The following VSTM1 variants were observed in gnomAD, a reference collection of about 807,000 sequenced individuals.
VSTM1 encodes V-set and transmembrane domain-containing protein 1.
Under a neutral mutation model 33.1 loss-of-function variants are expected in VSTM1, and 27 were observed. That is an observed-to-expected ratio of 0.82 (90% CI 0.60 to 1.12). VSTM1 has a LOEUF of 1.12. VSTM1 is among the 50% of genes most tolerant of loss of function. VSTM1 has a pLI of 0.00. For missense variants in VSTM1, 304 were observed against 288.9 expected, an observed-to-expected ratio of 1.05 and a Z score of -0.38; for synonymous variants, 115 against 110.3, an observed-to-expected ratio of 1.04 and a Z score of -0.27.
Position 54,063,877 on chromosome 19 carries a change from C to A in VSTM1, c.-100G>T. On this transcript the variant is annotated 5_prime_UTR_variant, in exon 1 of 9. Transcript: ENST00000338372. ...GCAGCTCTCCGGCTGCCCGGTTCGTCCCCAGGATGTGCAGATAGAGGAGGT... is the reference window on the plus strand; with the variant it reads ...GCAGCTCTCCGGCTGCCCGGTTCGTACCCAGGATGTGCAGATAGAGGAGGT... The A allele has an allele frequency of 7.4e-7, 1 of 1,342,812 alleles. No individual in the cohort carries two copies. The highest frequency in any genetic ancestry group is 1.3e-5 in the South Asian group (1 of 75,804). The allele number at this position is 1,342,812 out of a possible 1,614,324, so 83.2% of individuals were successfully genotyped here. A position where few individuals can be genotyped will look rare whatever the true frequency, so the allele number is the denominator to read the frequency against.
rs373627884 is a variant in VSTM1, at chr19:54,042,192, T to C, written c.492A>G (p.Ser164=). The part of the protein sequence containing the change: ...FIIYRCSQHS[S]SSEESTKRTS... Reference sequence around the variant, plus strand: ...ACCTCTTGGTGGATTCCTCAGATGATGAACCTACAAAAAATGCAGGAGGAA... The same window carrying C: ...ACCTCTTGGTGGATTCCTCAGATGACGAACCTACAAAAAATGCAGGAGGAA... The change falls in exon 6 of 9, where the codon TCA becomes TCG. Residue 164 remains serine, a synonymous_variant. Coordinates refer to ENST00000338372, the MANE Select transcript of VSTM1 (RefSeq NM_198481.4). 5.6e-6 allele frequency: 9 copies of C among 1,613,636 alleles called. No homozygotes were observed. The highest frequency in any genetic ancestry group is 1.3e-5 in the African/African-American group (1 of 74,792).
chr19:54,060,643 C>A (rs2071347668), intron 1 of VSTM1, among the ~76,000 whole-genome samples: 1 of 152,188 alleles, frequency 6.6e-6, no homozygotes, highest in Non-Finnish European at 1.5e-5. Context: ...AGATTCATGT[C>A]ATCTCATCTC....
chr19:54,063,235 G>A (rs1436204498), intron 1 of VSTM1, among the ~76,000 whole-genome samples: 4 of 152,124 alleles, frequency 2.6e-5, no homozygotes, highest in Admixed American at 2.0e-4. Flanking sequence ...CTACTCGGGA[G>A]GCTGAGGCAG....
At chr19:54,057,849 A>G (rs1293985503) in intron 3 of VSTM1, among the ~76,000 whole-genome samples, 2 of 150,992 alleles carry the variant, frequency 1.3e-5, no homozygotes, top group Non-Finnish European at 2.9e-5. Context: ...TCACGTTTAT[A>G]ATCCCAGCCC....
intron 1 of VSTM1, among the ~76,000 whole-genome samples, chr19:54,058,952 G>A (rs2071250036): frequency 6.8e-6 from 1 of 147,152 alleles, no homozygotes; most frequent in East Asian, 2.0e-4. Context: ...TTACATATAT[G>A]TATATATTTT....
At position 54,042,429 on chromosome 19, in the gene VSTM1, C is replaced by T. The variant is rs1408824994; in HGVS notation, c.395-60G>A. The T allele has an allele frequency of 7.7e-5, 120 of 1,560,494 alleles. 1 individual carries two copies. The highest frequency in any genetic ancestry group is 9.9e-5 in the Non-Finnish European group (115 of 1,155,860). On this transcript the variant is annotated intron_variant, in intron 4 of 8. Coordinates refer to ENST00000338372, the MANE Select transcript of VSTM1 (RefSeq NM_198481.4). ...GGCTCCTGAAATCCACTGATAGGGG[C>T]GAGCCGAAAAGCTAAGAGAAGCCAG...
At chr19:54,063,604 A>T in intron 1 of VSTM1, 140 bp downstream of exon 1, 1 of 1,040,500 alleles carries the variant, frequency 9.6e-7, no homozygotes, top group Non-Finnish European at 1.4e-6. Flanking sequence ...CACAGAACCC[A>T]CAGCCCAGAC....
At chr19:54,042,097 C>T (rs2070311064) in intron 6 of VSTM1, 72 bp downstream of exon 6, 2 of 1,609,500 alleles carry the variant, frequency 1.2e-6, no homozygotes, top group Admixed American at 1.7e-5. Context: ...GGTGCCAATC[C>T]CGGATGTGCC....
chr19:54,047,277 T>A (rs2070641036), intron 4 of VSTM1, among the ~76,000 whole-genome samples: 1 of 151,458 alleles, frequency 6.6e-6, no homozygotes, highest in African/African-American at 2.4e-5. Context: ...TGGAGCTGAA[T>A]CAGAGAACCC....
In VSTM1 at chr19:54,050,805, C is replaced by A. The variant is rs189966329; in HGVS notation, c.394+605G>T. ...TACCAGCCTGGCCAACATGGTGAAA[C>A]CCCATCTCTACTAAAAACAAAAAAC... On this transcript the variant is annotated intron_variant, in intron 4 of 8. Transcript: ENST00000338372. Among the ~76,000 whole-genome samples the A allele has an allele frequency of 7.1e-3, 1,078 of 151,512 alleles. 8 individuals are homozygous for A. Among genetic ancestry groups the A allele is most frequent in the Admixed American group, 9.6e-3 (145 of 15,144 alleles).
Position 54,051,411 on chromosome 19 carries a change from TG to T in VSTM1, c.392del (p.Thr131LysfsTer74). 6.3e-7 allele frequency: 1 copy of T among 1,599,278 alleles called. No homozygotes were observed. Among genetic ancestry groups the T allele is most frequent in the Non-Finnish European group, 8.5e-7 (1 of 1,175,490 alleles). On this transcript the variant is annotated frameshift_variant and splice_region_variant, in exon 4 of 9. Coordinates refer to ENST00000338372, the MANE Select transcript of VSTM1 (RefSeq NM_198481.4). LOFTEE classifies it high-confidence loss of function. ...HDELEAPSMK[T>X]DTRTIFVAIF... Reference sequence around the variant, plus strand: ...ACATCTCCTTTCTAATTATCTTACCTGTTTTCATTGAGGGAGCTTCAAGTTC... The same window carrying T: ...ACATCTCCTTTCTAATTATCTTACCTTTTTCATTGAGGGAGCTTCAAGTTC...
rs139349648 is a variant in VSTM1 at position 54,044,967 on chromosome 19, G to T, written c.395-2598C>A. Among the ~76,000 whole-genome samples the T allele has an allele frequency of 8.9e-3, 1,358 of 152,176 alleles. 10 individuals carry two copies. Among genetic ancestry groups the T allele is most frequent in the Middle Eastern group, 0.048 (14 of 294 alleles). On this transcript the variant is annotated intron_variant, in intron 4 of 8. Coordinates refer to ENST00000338372, the MANE Select transcript of VSTM1 (RefSeq NM_198481.4). ...AAAGTTGAGCAACTATAGAAGTGAG[G>T]CCCCAGAAAGGGGCTTCACCAAGAC...
At chr19:54,056,996 C>T (rs1459350983) in intron 3 of VSTM1, among the ~76,000 whole-genome samples, 1 of 140,350 alleles carries the variant, frequency 7.1e-6, no homozygotes, top group Non-Finnish European at 1.6e-5. Flanking sequence ...GCTGGGATTA[C>T]AGGCGCCTGC....
rs1195810880 is a variant in VSTM1 at position 54,060,294 on chromosome 19, A to G, written c.35-1562T>C. 3.3e-5 allele frequency among the ~76,000 whole-genome samples: 5 copies of G among 151,936 alleles called. No homozygotes were observed. In the East Asian group the frequency reaches 9.6e-4, roughly 29 times the overall value. ...CCCTCTTCTGTGTTCTGTTCTCTACATTCCCCGCTGGGAAGGTAGCGTCTT... is the reference window on the plus strand; with the variant it reads ...CCCTCTTCTGTGTTCTGTTCTCTACGTTCCCCGCTGGGAAGGTAGCGTCTT... On this transcript the variant is annotated intron_variant, in intron 1 of 8. Coordinates refer to ENST00000338372, the MANE Select transcript of VSTM1 (RefSeq NM_198481.4).
intron 4 of VSTM1, among the ~76,000 whole-genome samples, chr19:54,045,154 A>G (rs368082207): frequency 2.0e-5 from 3 of 152,130 alleles, no homozygotes; most frequent in Non-Finnish European, 1.5e-5. Context: ...TTGGTTCGCT[A>G]TGTTTGCATT....
intron 2 of VSTM1, 23 bp from the exon 3 acceptor site, chr19:54,058,613 T>C (rs369029625): frequency 1.4e-5 from 22 of 1,612,942 alleles, no homozygotes; most frequent in Non-Finnish European, 1.7e-5. Context: ...CAGAGTTAAT[T>C]TGAGTCTAGA....
chr19:54,056,622 T>TC (rs2146120745), intron 3 of VSTM1, among the ~76,000 whole-genome samples: 1 of 139,130 alleles, frequency 7.2e-6, no homozygotes, highest in African/African-American at 2.7e-5. Context: ...CCCCACATAC[T>TC]CCCCCCAGTA....
At chr19:54,058,794 G>A (rs1265564095) in intron 1 of VSTM1, 62 bp from the exon 2 acceptor site, 2 of 1,446,202 alleles carry the variant, frequency 1.4e-6, no homozygotes, top group Non-Finnish European at 1.9e-6. Context: ...AAATCCAGCA[G>A]AGAACGTATG....
At chr19:54,044,805 G>C (rs1299424294) in intron 4 of VSTM1, among the ~76,000 whole-genome samples, 3 of 152,174 alleles carry the variant, frequency 2.0e-5, no homozygotes, top group Non-Finnish European at 2.9e-5. Context: ...GAGGAAGAGA[G>C]AGCAACCTGT....
Sources: allele counts gnomAD v4.1 joint callset (sites outside exome capture counted in the v4.1 genomes callset), GRCh38; gene constraint gnomAD v4.1.1; transcripts MANE v1.5; gene names NCBI Gene and HGNC (gene_info 2026-07-23, HGNC 2026-07-21).